Variants in AFF1 observed in about 807,000 individuals in gnomAD.
AFF1 encodes the protein AF4/FMR2 family member 1.
Under a neutral mutation model 121.7 loss-of-function variants are expected in AFF1, and 48 were observed. That is an observed-to-expected ratio of 0.39 (90% CI 0.31 to 0.50). The LOEUF (loss-of-function observed/expected upper bound fraction) is 0.50, where lower values mean the gene tolerates loss of function less well. AFF1 is among the 20% of genes least tolerant of loss of function. The pLI, the probability that AFF1 is intolerant of heterozygous loss-of-function variation, is 0.76. For missense variants in AFF1, 1,523 were observed against 1,511.7 expected, an observed-to-expected ratio of 1.01 and a Z score of -0.12; for synonymous variants, 613 against 563.0, an observed-to-expected ratio of 1.09 and a Z score of -1.26.
At chr4:87,108,032 A>C in intron 10 of AFF1, 127 bp from the exon 11 acceptor site, 4 of 962,874 alleles carry the variant, frequency 4.2e-6, no homozygotes, top group Non-Finnish European at 5.9e-6. Flanking sequence ...GTTGGATGAC[A>C]TGATAGTTTA....
At chr4:86,962,493 A>C (rs1378258195) in intron 2 of AFF1, among the ~76,000 whole-genome samples, 3 of 152,124 alleles carry the variant, frequency 2.0e-5, no homozygotes, top group Admixed American at 2.0e-4. Context: ...CTTTCTGTTG[A>C]CTTGCCTTTG....
intron 8 of AFF1, among the ~76,000 whole-genome samples, chr4:87,103,160 AT>A (rs1725595604): frequency 6.6e-6 from 1 of 152,206 alleles, no homozygotes; most frequent in South Asian, 2.1e-4. Flanking sequence ...ATGTTTTTTA[AT>A]CAAAAACTTT....
chr4:87,047,932 A>T (rs1013476340), intron 4 of AFF1: 2 of 291,374 alleles, frequency 6.9e-6, no homozygotes, highest in Non-Finnish European at 1.3e-5. Flanking sequence ...AAGAGAGAGA[A>T]GATTTCGGTT....
chr4:86,987,868 G>C (rs59965332), intron 2 of AFF1, among the ~76,000 whole-genome samples: 1 of 151,522 alleles, frequency 6.6e-6, no homozygotes, highest in African/African-American at 2.4e-5. Flanking sequence ...TAGGAGGATC[G>C]CCTGAGCCCA....
At chr4:86,944,500 G>A (rs372550369) in intron 1 of AFF1, among the ~76,000 whole-genome samples, 25 of 150,400 alleles carry the variant, frequency 1.7e-4, no homozygotes, top group Non-Finnish European at 1.9e-4. Context: ...GCGCCATCAC[G>A]CTTGGCTAAT....
chr4:87,114,568 C>T lies in AFF1; in HGVS notation c.1735C>T (p.Arg579Trp), dbSNP rs754360670. Residue 579 changes from arginine (R) to tryptophan (W), a missense_variant, in exon 12 of 21, where the codon CGG (arginine) becomes TGG (tryptophan). Around this residue, in one of 5 missense-constraint regions of AFF1, gnomAD observed 905 missense variants for 842.5 expected, o/e 1.07. Coordinates refer to ENST00000395146, the MANE Select transcript of AFF1 (RefSeq NM_001166693.3). Reference sequence around the variant, plus strand: ...CCCTAAAAGCTCCAGCAAAGCCCCCCGGGCCCCACCCGAAGCCCCCCACCC... The same window carrying T: ...CCCTAAAAGCTCCAGCAAAGCCCCCTGGGCCCCACCCGAAGCCCCCCACCC... Reference protein sequence around the residue: ...PPPKSSSKAPRAPPEAPHPGK... With the variant: ...PPPKSSSKAPWAPPEAPHPGK... 1.8e-5 allele frequency: 29 copies of T among 1,598,604 alleles called. No homozygotes were observed. In the Middle Eastern group the frequency reaches 5.3e-4, roughly 29 times the overall value.
At chr4:86,973,617 A>C (rs1278218005) in intron 2 of AFF1, among the ~76,000 whole-genome samples, 2 of 152,184 alleles carry the variant, frequency 1.3e-5, no homozygotes, top group Non-Finnish European at 1.5e-5. Context: ...GGTAAAGAGA[A>C]AGGAAGTATC....
chr4:87,021,716 T>C (rs2149559690), intron 2 of AFF1, among the ~76,000 whole-genome samples: 1 of 152,356 alleles, frequency 6.6e-6, no homozygotes, highest in South Asian at 2.1e-4. Flanking sequence ...ACATTTTCTT[T>C]TTGTTCCCTT....
chr4:87,120,340 C>G (rs1006341794), intron 12 of AFF1, among the ~76,000 whole-genome samples: 1 of 152,146 alleles, frequency 6.6e-6, no homozygotes, highest in Non-Finnish European at 1.5e-5. Flanking sequence ...CTCCAGTTTT[C>G]TGTGTTGCAT....
intron 2 of AFF1, among the ~76,000 whole-genome samples, chr4:86,975,986 T>G (rs761286233): frequency 6.6e-6 from 1 of 152,172 alleles, no homozygotes; most frequent in Non-Finnish European, 1.5e-5. Flanking sequence ...AATTACGGTA[T>G]CATATAATAA....
intron 2 of AFF1, among the ~76,000 whole-genome samples, chr4:86,994,739 A>C (rs1019400686): frequency 6.6e-6 from 1 of 152,182 alleles, no homozygotes; most frequent in African/African-American, 2.4e-5. Context: ...TAGAGTTTAG[A>C]TAATGGTAAG....
intron 2 of AFF1, among the ~76,000 whole-genome samples, chr4:87,022,482 T>G (rs1728001137): frequency 1.4e-5 from 2 of 147,518 alleles, no homozygotes; most frequent in Admixed American, 1.4e-4. Flanking sequence ...AAAACTAGTA[T>G]AGCCCACAAA....
chr4:87,022,584 C>A (rs57182278), intron 2 of AFF1, among the ~76,000 whole-genome samples: 11,393 of 111,010 alleles, frequency 0.1, 957 homozygotes, highest in East Asian at 0.15. Flanking sequence ...ATATATATAT[C>A]TATCTATATC....
rs534047433 is a variant in AFF1 at position 87,010,598 on chromosome 4, A to G, written c.39-35568A>G. ...ATAAAAACTAGCAACTAGTAAACCT[A>G]ACAGTTTATAGACATATTTTTTTCC... On this transcript the variant is annotated intron_variant, in intron 2 of 20. Coordinates refer to ENST00000395146, the MANE Select transcript of AFF1 (RefSeq NM_001166693.3). 4.6e-5 allele frequency among the ~76,000 whole-genome samples: 7 copies of G among 152,348 alleles called. No homozygotes were observed. The South Asian group carries it at 1.5e-3, about 32-fold the overall frequency.
chr4:87,119,349 C>T (rs1727440421), intron 12 of AFF1, among the ~76,000 whole-genome samples: 2 of 151,840 alleles, frequency 1.3e-5, no homozygotes, highest in African/African-American at 4.8e-5. Flanking sequence ...GAGGCTGAGG[C>T]GGGTGGATTG....
At position 86,956,743 on chromosome 4, in the gene AFF1, A is replaced by G. The variant is rs182097818; in HGVS notation, c.38+8172A>G. Among the ~76,000 whole-genome samples, 31 of 152,354 alleles carry G rather than the reference A, an allele frequency of 2.0e-4. No homozygotes were observed. In the East Asian group the frequency reaches 4.2e-3, roughly 21 times the overall value. On this transcript the variant is annotated intron_variant, in intron 2 of 20. Transcript: ENST00000395146. ...AAGATTCATCCATATTACAGCATGT[A>G]TCAGTTTTTCAGTCCTTTTTATTGC...
rs767919908 is a variant in AFF1, at chr4:87,114,467, C to T, written c.1634C>T (p.Pro545Leu). The T allele has an allele frequency of 2.0e-5, 33 of 1,613,666 alleles. 1 individual carries two copies. In the Admixed American group the frequency reaches 4.5e-4, roughly 22 times the overall value. ...PPEGPRSTEPPRRHPESKGSS... is the reference protein window; with the variant it reads ...PPEGPRSTEPLRRHPESKGSS... Reference sequence around the variant, plus strand: ...GAGGGCCCCAGGAGCACAGAGCCCCCACGGCGGCACCCAGAGAGTAAGGGC... The same window carrying T: ...GAGGGCCCCAGGAGCACAGAGCCCCTACGGCGGCACCCAGAGAGTAAGGGC... The change falls in exon 12 of 21, where the codon CCA becomes CTA. Residue 545 changes from proline to leucine, a missense_variant. Transcript: ENST00000395146.
At chr4:87,037,453 A>C (rs1462284410) in intron 2 of AFF1, among the ~76,000 whole-genome samples, 1 of 152,110 alleles carries the variant, frequency 6.6e-6, no homozygotes, top group East Asian at 1.9e-4. Flanking sequence ...CTGGGATTAC[A>C]GGCACACACC....
At position 86,997,716 on chromosome 4, in the gene AFF1, T is replaced by C. The variant is rs560251547; in HGVS notation, c.39-48450T>C. ...GGCAGAGCTTGCAGTGAGCCAAGAT[T>C]GTGCCACTGCGCTTCAGCCTGGGCA... On this transcript the variant is annotated intron_variant, in intron 2 of 20. Coordinates refer to ENST00000395146, the MANE Select transcript of AFF1 (RefSeq NM_001166693.3). Among the ~76,000 whole-genome samples, 83 of 150,546 alleles carry C rather than the reference T, an allele frequency of 5.5e-4. No homozygotes were observed. In the South Asian group the frequency reaches 0.017, roughly 31 times the overall value.
Sources: allele counts gnomAD v4.1 joint callset (sites outside exome capture counted in the v4.1 genomes callset), GRCh38; gene constraint gnomAD v4.1.1; regional missense constraint gnomAD v4.1.1; transcripts MANE v1.5; gene names NCBI Gene and HGNC (gene_info 2026-07-23, HGNC 2026-07-21).